The following CNTNAP5 variants were observed in gnomAD, a reference collection of about 807,000 sequenced individuals.
The protein encoded by CNTNAP5 is contactin associated protein family member 5.
In CNTNAP5, 72 loss-of-function variants were observed where a neutral mutation model predicts 150.2. That is an observed-to-expected ratio of 0.48 (90% CI 0.40 to 0.58). The LOEUF (loss-of-function observed/expected upper bound fraction) is 0.58. Among genes scored for constraint, CNTNAP5 ranks in the 20% least tolerant of loss-of-function variants. CNTNAP5 has a pLI of 0.00. For synonymous variants in CNTNAP5, 672 were observed against 619.8 expected (o/e 1.08, Z -1.25); for missense variants, 1,636 against 1,626.2 (o/e 1.01, Z -0.10).
intron 1 of CNTNAP5, among the ~76,000 whole-genome samples, chr2:124,103,420 A>T (rs947452218): frequency 1.3e-5 from 2 of 152,062 alleles, no homozygotes; most frequent in East Asian, 1.9e-4. Flanking sequence ...AGGCCTTCAC[A>T]TTCACTCTCC....
chr2:124,424,403 C>T (rs568316742), intron 4 of CNTNAP5, among the ~76,000 whole-genome samples: 8 of 152,284 alleles, frequency 5.3e-5, no homozygotes, highest in Non-Finnish European at 1.0e-4. Context: ...GGGGCATTGG[C>T]AGTCCAATGT....
intron 3 of CNTNAP5, among the ~76,000 whole-genome samples, chr2:124,342,116 G>A (rs1192001873): frequency 6.6e-6 from 1 of 152,110 alleles, no homozygotes; most frequent in African/African-American, 2.4e-5. Context: ...TGAAACATGT[G>A]TTTTCTCTCT....
intron 4 of CNTNAP5, among the ~76,000 whole-genome samples, chr2:124,429,345 T>G (rs1692316203): frequency 6.6e-6 from 1 of 152,150 alleles, no homozygotes; most frequent in African/African-American, 2.4e-5. Flanking sequence ...GATTCTAAGT[T>G]AATGTACATG....
At chr2:124,799,972 T>C (rs1253813677) in intron 19 of CNTNAP5, among the ~76,000 whole-genome samples, 1 of 152,202 alleles carries the variant, frequency 6.6e-6, no homozygotes, top group Non-Finnish European at 1.5e-5. Flanking sequence ...AATAGCCCTT[T>C]ATGTGATTAT....
intron 13 of CNTNAP5, among the ~76,000 whole-genome samples, chr2:124,663,383 GC>G (rs938424318): frequency 6.6e-6 from 1 of 151,996 alleles, no homozygotes; most frequent in Non-Finnish European, 1.5e-5. Context: ...TCCATAAGTT[GC>G]CCCCCAAAAA....
At chr2:124,814,746 A>C (rs1682312771) in intron 19 of CNTNAP5, among the ~76,000 whole-genome samples, 1 of 152,240 alleles carries the variant, frequency 6.6e-6, no homozygotes, top group African/African-American at 2.4e-5. Flanking sequence ...AAATGAGAGT[A>C]AAACTTAAAA....
chr2:124,619,141 C>T (rs1225700964), intron 12 of CNTNAP5, among the ~76,000 whole-genome samples: 2 of 152,172 alleles, frequency 1.3e-5, no homozygotes, highest in East Asian at 3.9e-4. Context: ...GGATGCAGAG[C>T]ATTTCAGCCA....
chr2:124,797,003 C>A (rs1681859475), intron 18 of CNTNAP5, among the ~76,000 whole-genome samples: 1 of 152,154 alleles, frequency 6.6e-6, no homozygotes, highest in Non-Finnish European at 1.5e-5. Context: ...TGTATAAAGT[C>A]TATTGGGATG....
At chr2:124,397,055 A>G (rs1334386805) in intron 3 of CNTNAP5, among the ~76,000 whole-genome samples, 2 of 152,188 alleles carry the variant, frequency 1.3e-5, no homozygotes, top group Non-Finnish European at 2.9e-5. Flanking sequence ...CAATGATGAA[A>G]GCTTTCAGGC....
At chr2:124,855,352 A>G (rs991864913) in intron 19 of CNTNAP5, among the ~76,000 whole-genome samples, 2 of 151,386 alleles carry the variant, frequency 1.3e-5, no homozygotes, top group African/African-American at 4.8e-5. Context: ...TAATTTTTAT[A>G]TTTTCAGTAG....
intron 10 of CNTNAP5, among the ~76,000 whole-genome samples, chr2:124,552,257 C>T (rs910431318): frequency 1.3e-5 from 2 of 152,084 alleles, no homozygotes; most frequent in Admixed American, 6.5e-5. Context: ...GTTCACTCTG[C>T]CCTCACTGGA....
chr2:124,206,495 G>A (rs1052143593), intron 1 of CNTNAP5, among the ~76,000 whole-genome samples: 6 of 152,082 alleles, frequency 3.9e-5, no homozygotes, highest in African/African-American at 7.2e-5. Context: ...ACAGTGTTGG[G>A]GCATGTTTGC....
At chr2:124,802,073 A>G (rs539823034) in intron 19 of CNTNAP5, among the ~76,000 whole-genome samples, 92 of 152,308 alleles carry the variant, frequency 6.0e-4, no homozygotes, top group Middle Eastern at 3.4e-3. Flanking sequence ...CCACTCTTAC[A>G]GGGAGCCCAT....
chr2:124,517,608 G>C (rs543135598), intron 8 of CNTNAP5, among the ~76,000 whole-genome samples: 4 of 149,480 alleles, frequency 2.7e-5, no homozygotes, highest in African/African-American at 9.9e-5. Context: ...TGGTGATGGA[G>C]GGTTGTAGTG....
intron 18 of CNTNAP5, among the ~76,000 whole-genome samples, chr2:124,794,524 A>G (rs184017573): frequency 7.2e-4 from 109 of 152,358 alleles, no homozygotes; most frequent in African/African-American, 2.5e-3. Flanking sequence ...TTTTCTTAAT[A>G]ACAGAATTTC....
chr2:124,421,090 T>C (rs1225111906), intron 4 of CNTNAP5, among the ~76,000 whole-genome samples: 1 of 152,200 alleles, frequency 6.6e-6, no homozygotes, highest in Non-Finnish European at 1.5e-5. Flanking sequence ...CTCAGTTTGC[T>C]AATTGGCTAT....
intron 3 of CNTNAP5, among the ~76,000 whole-genome samples, chr2:124,253,019 A>C (rs1418205899): frequency 1.3e-5 from 2 of 151,610 alleles, no homozygotes; most frequent in African/African-American, 4.8e-5. Context: ...ATAGTACATA[A>C]AATATATATT....
At chr2:124,701,638 G>A (rs1679523259) in intron 13 of CNTNAP5, among the ~76,000 whole-genome samples, 2 of 151,872 alleles carry the variant, frequency 1.3e-5, no homozygotes, top group South Asian at 2.1e-4. Flanking sequence ...CTGTGAACAA[G>A]GTACAAGAGT....
At chr2:124,198,738 A>G (rs949913764) in intron 1 of CNTNAP5, among the ~76,000 whole-genome samples, 8 of 151,492 alleles carry the variant, frequency 5.3e-5, no homozygotes, top group Admixed American at 5.3e-4. Flanking sequence ...TCATAAAGAC[A>G]TTGTCTTACA....
Sources: gnomAD v4.1 joint callset for allele counts (sites outside exome capture counted in the v4.1 genomes callset) on GRCh38, gnomAD v4.1.1 for gene constraint, MANE v1.5 for transcripts, NCBI Gene and HGNC (gene_info 2026-07-23, HGNC 2026-07-21) for gene names.